Variants in TLL2 observed in about 807,000 individuals in gnomAD.
TLL2 encodes tolloid like 2.
Under a neutral mutation model 123.0 loss-of-function variants are expected in TLL2, and 106 were observed. The ratio of observed to expected loss-of-function variants is 0.86; its 90% CI spans 0.74 to 1.01. The LOEUF (loss-of-function observed/expected upper bound fraction) is 1.01, where lower values mean the gene tolerates loss of function less well. Among genes scored for constraint, TLL2 ranks in the 50% least tolerant of loss-of-function variants. The pLI is 0.00. For missense variants in TLL2, 1,332 were observed against 1,336.7 expected, an observed-to-expected ratio of 1.00 and a Z score of 0.06; for synonymous variants, 494 against 516.8, an observed-to-expected ratio of 0.96 and a Z score of 0.60.
At chr10:96,476,269 G>GTTT (rs1847251088) in intron 2 of TLL2, among the ~76,000 whole-genome samples, 1 of 77,916 alleles carries the variant, frequency 1.3e-5, no homozygotes, top group African/African-American at 4.8e-5. Context: ...TGTTGTTGTT[G>GTTT]AGACGGAGTC....
intron 20 of TLL2, among the ~76,000 whole-genome samples, chr10:96,368,838 G>A (rs1401857276): frequency 6.6e-6 from 1 of 152,194 alleles, no homozygotes; most frequent in East Asian, 1.9e-4. Context: ...GGTTCTAGTG[G>A]AGCCAAAGTG....
intron 2 of TLL2, among the ~76,000 whole-genome samples, chr10:96,473,102 TC>T (rs1354387187): frequency 6.6e-6 from 1 of 152,036 alleles, no homozygotes; most frequent in Non-Finnish European, 1.5e-5. Context: ...TGTGTGCCAC[TC>T]AAAGTCATGG....
At chr10:96,459,705 A>AATATATATATATATATATATATATATAT (rs59654947) in intron 2 of TLL2, among the ~76,000 whole-genome samples, 7 of 38,058 alleles carry the variant, frequency 1.8e-4, no homozygotes, top group Non-Finnish European at 3.1e-4. Context: ...AAAAAAAAAA[A>AATATATATATATATATATATATATATAT]ATATATATAT....
chr10:96,390,432 C>T (rs1458331535), intron 13 of TLL2, among the ~76,000 whole-genome samples: 1 of 152,194 alleles, frequency 6.6e-6, no homozygotes, highest in African/African-American at 2.4e-5. Context: ...CTGCCTTCTC[C>T]CAAAGTAACC....
At chr10:96,446,467 C>A (rs774719583) in intron 2 of TLL2, among the ~76,000 whole-genome samples, 1 of 151,514 alleles carries the variant, frequency 6.6e-6, no homozygotes, top group Non-Finnish European at 1.5e-5. Context: ...AGTTACCAGG[C>A]AACCCCAAAA....
chr10:96,407,111 C>T (rs1317418944), intron 9 of TLL2, among the ~76,000 whole-genome samples: 1 of 152,010 alleles, frequency 6.6e-6, no homozygotes, highest in Non-Finnish European at 1.5e-5. Flanking sequence ...TCATGTTGAC[C>T]AAACCCCTCA....
chr10:96,370,821 TGAC>T (rs1846075563), intron 19 of TLL2, among the ~76,000 whole-genome samples: 1 of 152,130 alleles, frequency 6.6e-6, no homozygotes, highest in Non-Finnish European at 1.5e-5. Context: ...AGACCCTAAA[TGAC>T]TGGTTTTTGC....
intron 16 of TLL2, among the ~76,000 whole-genome samples, chr10:96,379,597 G>A (rs1255234183): frequency 6.6e-6 from 1 of 152,138 alleles, no homozygotes; most frequent in Non-Finnish European, 1.5e-5. Flanking sequence ...CGAGGTGGGT[G>A]GATCACCTGA....
chr10:96,454,873 C>T (rs1218900111), intron 2 of TLL2, among the ~76,000 whole-genome samples: 2 of 152,134 alleles, frequency 1.3e-5, no homozygotes, highest in Non-Finnish European at 2.9e-5. Context: ...ATATTTTATA[C>T]CTGAAGCACC....
chr10:96,419,651 T>C (rs1201120142), intron 7 of TLL2, among the ~76,000 whole-genome samples: 2 of 152,306 alleles, frequency 1.3e-5, no homozygotes, highest in Non-Finnish European at 2.9e-5. Flanking sequence ...GATCATGACT[T>C]AAGCAGCTGT....
intron 3 of TLL2, among the ~76,000 whole-genome samples, chr10:96,433,694 C>T (rs1846766675): frequency 6.6e-6 from 1 of 152,162 alleles, no homozygotes; most frequent in South Asian, 2.1e-4. Flanking sequence ...CCTCATTATT[C>T]TAACTTGGAG....
chr10:96,487,610 T>A lies in TLL2; in HGVS notation c.176-7151A>T, dbSNP rs553170906. On this transcript the variant is annotated intron_variant, in intron 1 of 20. Transcript: ENST00000357947. Reference sequence around the variant, plus strand: ...GAGGAGATCATGTTCTCTGTAATGCTTTACAGTTAACACTGGATTGTACAC... The same window carrying A: ...GAGGAGATCATGTTCTCTGTAATGCATTACAGTTAACACTGGATTGTACAC... Among the ~76,000 whole-genome samples, 4 of 152,246 alleles carry A rather than the reference T, an allele frequency of 2.6e-5. No individual in the cohort carries two copies. The South Asian group carries it at 8.3e-4, about 32-fold the overall frequency.
Position 96,480,363 on chromosome 10 carries a change from G to C in TLL2, c.272C>G (p.Thr91Arg). The C allele has an allele frequency of 1.2e-6, 2 of 1,614,160 alleles. No individual in the cohort carries two copies. Among genetic ancestry groups the C allele is most frequent in the Non-Finnish European group, 1.7e-6 (2 of 1,180,012 alleles). ...GCAGTACCTACCTGTGCTGTGTCCT[G>C]TTGCCCCCACTGTCTGCTTGGTCCA... ...RDWTKQTVGATGHSTGGLEEQ... is the reference protein window; with the variant it reads ...RDWTKQTVGARGHSTGGLEEQ... The change falls in exon 2 of 21, where the codon ACA becomes AGA. Residue 91 changes from threonine (T) to arginine (R), a missense_variant. Thr to Arg is a moderately conservative substitution (Grantham distance 71). Coordinates refer to ENST00000357947, the MANE Select transcript of TLL2 (RefSeq NM_012465.4).
chr10:96,411,257 CAAA>C (rs56011735), intron 8 of TLL2, among the ~76,000 whole-genome samples: 188 of 94,874 alleles, frequency 2.0e-3, no homozygotes, highest in Non-Finnish European at 2.3e-3. Flanking sequence ...GACTCTGTCT[CAAA>C]AAAAAAAAAA....
At chr10:96,461,165 G>A (rs1185649540) in intron 2 of TLL2, among the ~76,000 whole-genome samples, 2 of 152,230 alleles carry the variant, frequency 1.3e-5, no homozygotes, top group African/African-American at 4.8e-5. Context: ...CAATCATGAA[G>A]AGTCTGGTGG....
chr10:96,400,373 A>C (rs1285467647), intron 10 of TLL2, among the ~76,000 whole-genome samples: 8 of 151,592 alleles, frequency 5.3e-5, no homozygotes, highest in African/African-American at 1.5e-4. Flanking sequence ...AAAAAAAAAA[A>C]AAAAAAACAA....
intron 7 of TLL2, among the ~76,000 whole-genome samples, chr10:96,418,035 G>T (rs1370957257): frequency 6.6e-6 from 1 of 152,178 alleles, no homozygotes; most frequent in African/African-American, 2.4e-5. Context: ...CCTCCTGTGT[G>T]CTGCCCCTGC....
Position 96,513,920 on chromosome 10 carries a change from C to A in TLL2, c.-235G>T. 2 of 494,132 alleles carry A rather than the reference C, an allele frequency of 4.0e-6. No individual in the cohort carries two copies. Among genetic ancestry groups the A allele is most frequent in the Non-Finnish European group, 3.5e-6 (1 of 286,470 alleles). The allele number at this position is 494,132 out of a possible 1,614,324, so 30.6% of individuals were successfully genotyped here. On this transcript the variant is annotated 5_prime_UTR_variant, in exon 1 of 21. Transcript: ENST00000357947. ...CCGGCGGCCGAGGCTGCGGCGGCTG[C>A]GAGTGTGGCGGTGGCGGCGGTGGTT... is the stretch of plus-strand genomic sequence containing the variant.
At chr10:96,469,231 C>T (rs565480058) in intron 2 of TLL2, among the ~76,000 whole-genome samples, 4 of 152,370 alleles carry the variant, frequency 2.6e-5, no homozygotes, top group African/African-American at 9.6e-5. Flanking sequence ...CACTACCCTT[C>T]CCTCCGGTCT....
Sources: gnomAD v4.1 joint callset for allele counts (sites outside exome capture counted in the v4.1 genomes callset) on GRCh38, gnomAD v4.1.1 for gene constraint, MANE v1.5 for transcripts, NCBI Gene and HGNC (gene_info 2026-07-23, HGNC 2026-07-21) for gene names.